Variants in ARID1A observed in about 807,000 individuals in gnomAD.
ARID1A encodes the protein AT-rich interaction domain 1A.
Under a neutral mutation model 212.6 loss-of-function variants are expected in ARID1A, and 20 were observed. The observed-to-expected ratio is 0.09, with a 90% CI of 0.07 to 0.14. The LOEUF is 0.14. Among genes scored for constraint, ARID1A ranks in the 10% least tolerant of loss-of-function variants. ARID1A has a pLI of 1.00. For synonymous variants in ARID1A, 1,376 were observed against 1,222.1 expected (o/e 1.13, Z -2.63); for missense variants, 2,587 against 3,059.0 (o/e 0.85, Z 3.64).
At position 26,735,355 on chromosome 1, in the gene ARID1A, C is replaced by T. The variant is rs1442931568; in HGVS notation, c.1920+2563C>T. ...TTGCCCAGGCTGGAGTGCAATGGCA[C>T]GATCTCAGCTCACTGCAACCTCAGC... On this transcript the variant is annotated intron_variant, in intron 4 of 19. Transcript: ENST00000324856. Among the ~76,000 whole-genome samples the T allele has an allele frequency of 7.9e-5, 12 of 152,264 alleles. No individual in the cohort carries two copies. In the East Asian group the frequency reaches 1.7e-3, roughly 22 times the overall value.
intron 1 of ARID1A, among the ~76,000 whole-genome samples, chr1:26,714,849 A>G (rs948779598): frequency 3.3e-5 from 5 of 152,210 alleles, no homozygotes; most frequent in Non-Finnish European, 7.3e-5. Context: ...AGGCAGCCCT[A>G]GGAATTAATG....
chr1:26,723,348 C>G (rs1325141785), intron 1 of ARID1A, among the ~76,000 whole-genome samples: 1 of 152,118 alleles, frequency 6.6e-6, no homozygotes, highest in African/African-American at 2.4e-5. Flanking sequence ...GGGGAGGGTC[C>G]CATACTGGAA....
At chr1:26,744,769 T>C (rs909532427) in intron 4 of ARID1A, among the ~76,000 whole-genome samples, 10 of 152,064 alleles carry the variant, frequency 6.6e-5, no homozygotes, top group African/African-American at 2.2e-4. Context: ...GCAGAAAACA[T>C]AGGGATGGAA....
At chr1:26,731,059 A>G in intron 2 of ARID1A, 93 bp from the exon 3 acceptor site, 3 of 1,329,878 alleles carry the variant, frequency 2.3e-6, no homozygotes, top group South Asian at 2.6e-5. Flanking sequence ...CTTGCTTTCT[A>G]TACTCATCAT....
At position 26,773,359 on chromosome 1, in the gene ARID1A, T is replaced by G. The variant is rs2124110240; in HGVS notation, c.3729T>G (p.Asp1243Glu). 6.3e-7 allele frequency: 1 copy of G among 1,592,902 alleles called. No individual in the cohort carries two copies. Among genetic ancestry groups the G allele is most frequent in the South Asian group, 1.1e-5 (1 of 87,734 alleles). Reference protein sequence around the residue: ...YGSMRKAPGSDPFMSSGQGPN... With the variant: ...YGSMRKAPGSEPFMSSGQGPN... The stretch of plus-strand genomic sequence containing the variant: ...TTCTACGCTCAGCTCCAGGGAGTGA[T>G]CCCTTCATGTCCTCAGGGCAGGGCC... Residue 1243 changes from aspartate (D) to glutamate (E), a missense_variant, in exon 15 of 20, where the codon GAT becomes GAG. This residue lies in a region of ARID1A where 890 missense variants were observed against 1,098.2 expected (regional missense o/e 0.81). Transcript: ENST00000324856.
intron 4 of ARID1A, among the ~76,000 whole-genome samples, chr1:26,750,737 T>C (rs1169707851): frequency 2.6e-5 from 4 of 151,830 alleles, no homozygotes; most frequent in African/African-American, 9.7e-5. Flanking sequence ...CCTACCTTCA[T>C]GGGACTTCTA....
chr1:26,743,707 C>T (rs1480664481), intron 4 of ARID1A, among the ~76,000 whole-genome samples: 3 of 150,012 alleles, frequency 2.0e-5, no homozygotes, highest in Non-Finnish European at 3.0e-5. Flanking sequence ...TGGCAGGGGC[C>T]TGTAGTCCCA....
At chr1:26,716,309 A>T (rs1382398611) in intron 1 of ARID1A, among the ~76,000 whole-genome samples, 1 of 152,142 alleles carries the variant, frequency 6.6e-6, no homozygotes, top group Non-Finnish European at 1.5e-5. Context: ...AGTGAATCAG[A>T]TAGTATGTTA....
chr1:26,763,145 C>T lies in ARID1A; in HGVS notation c.2592C>T (p.Gly864=), dbSNP rs2124069296. The part of the protein sequence containing the change: ...PPGRMSHASM[G]NRPYGPNMAN... ...GGAGGATGAGTCACGCCTCCATGGGCAACCGGCCTTATGGCCCTAACATGG... is the reference window on the plus strand; with the variant it reads ...GGAGGATGAGTCACGCCTCCATGGGTAACCGGCCTTATGGCCCTAACATGG... Residue 864 remains glycine, a synonymous_variant, in exon 8 of 20, where the codon GGC becomes GGT. Coordinates refer to ENST00000324856, the MANE Select transcript of ARID1A (RefSeq NM_006015.6). 6.2e-7 allele frequency: 1 copy of T among 1,614,280 alleles called. No homozygotes were observed. Among genetic ancestry groups the T allele is most frequent in the Non-Finnish European group, 8.5e-7 (1 of 1,180,048 alleles).
intron 1 of ARID1A, among the ~76,000 whole-genome samples, chr1:26,725,494 ATTGT>A (rs1401212125): frequency 6.6e-6 from 1 of 152,180 alleles, no homozygotes. Flanking sequence ...GAATAATCTG[ATTGT>A]TTGAACTGAA....
rs1434951491 is a variant in ARID1A at position 26,774,395 on chromosome 1, A to T, written c.4168A>T (p.Ser1390Cys). 2 of 1,597,074 alleles carry T rather than the reference A, an allele frequency of 1.3e-6. No homozygotes were observed. The highest frequency in any genetic ancestry group is 1.7e-6 in the Non-Finnish European group (2 of 1,169,160). ...CAAGCGGCACGAAGGGGAGATGTACAGCGTGCCATACAGCACTGGGCAGGG... is the reference window on the plus strand; with the variant it reads ...CAAGCGGCACGAAGGGGAGATGTACTGCGTGCCATACAGCACTGGGCAGGG... ...PAKRHEGEMY[S>C]VPYSTGQGQP... Residue 1390 changes from serine (S) to cysteine (C), a missense_variant, in exon 18 of 20, where the codon AGC (serine) becomes TGC (cysteine). Physicochemically the swap from Ser to Cys is moderately radical, Grantham distance 112. Transcript: ENST00000324856. This position sits in a 1 kb window ranked among gnomAD's most constrained non-coding sequence, Gnocchi z 5.6.
intron 12 of ARID1A, chr1:26,772,249 C>T (rs1196859771): frequency 9.7e-6 from 5 of 518,022 alleles, no homozygotes; most frequent in African/African-American, 9.5e-5. Flanking sequence ...CTCAGGGAAT[C>T]ACCAGCATGG....
chr1:26,740,158 C>T (rs1274462205), intron 4 of ARID1A, among the ~76,000 whole-genome samples: 1 of 152,112 alleles, frequency 6.6e-6, no homozygotes, highest in African/African-American at 2.4e-5. Flanking sequence ...TGGAGTAAAA[C>T]CTGGCACACT....
chr1:26,745,677 TTC>T (rs1241070725), intron 4 of ARID1A, among the ~76,000 whole-genome samples: 1 of 152,116 alleles, frequency 6.6e-6, no homozygotes, highest in Non-Finnish European at 1.5e-5. Flanking sequence ...GAACATTGGA[TTC>T]TCTGACTGCT....
At chr1:26,775,454 C>A in intron 18 of ARID1A, 123 bp from the exon 19 acceptor site, 1 of 1,453,950 alleles carries the variant, frequency 6.9e-7, no homozygotes. Context: ...TGTTTCATCT[C>A]CCAGACAGAA....
intron 4 of ARID1A, among the ~76,000 whole-genome samples, chr1:26,751,394 G>A (rs896780250): frequency 3.3e-5 from 5 of 152,188 alleles, no homozygotes; most frequent in African/African-American, 1.2e-4. Flanking sequence ...CACGCAGCAT[G>A]TCTGGTGATA....
intron 3 of ARID1A, 108 bp from the exon 4 acceptor site, chr1:26,732,568 C>CT: frequency 2.3e-6 from 2 of 869,798 alleles, no homozygotes; most frequent in Non-Finnish European, 1.8e-6. Context: ...CGCAACTGGA[C>CT]TTTCTCTCAC....
intron 4 of ARID1A, among the ~76,000 whole-genome samples, chr1:26,756,847 T>C (rs901352160): frequency 3.3e-5 from 5 of 151,336 alleles, no homozygotes; most frequent in Non-Finnish European, 7.4e-5. Flanking sequence ...GGACCATGGG[T>C]GCCCGTCACC....
chr1:26,729,780 G>C lies in ARID1A; in HGVS notation c.1267G>C (p.Gly423Arg), dbSNP rs2124785389. ...ACATGGGTACCCAGGGCAGCCATAC[G>C]GGTCCCAGACCCCGCAGCGGTACCC... is the stretch of plus-strand genomic sequence containing the variant. ...QGHGYPGQPY[G>R]SQTPQRYPMT... The change falls in exon 2 of 20, where the codon GGG becomes CGG. Residue 423 changes from glycine to arginine, a missense_variant. Gly to Arg is a moderately radical substitution (Grantham distance 125). This residue lies in a region of ARID1A where 674 missense variants were observed against 813.4 expected (regional missense o/e 0.83). Coordinates refer to ENST00000324856, the MANE Select transcript of ARID1A (RefSeq NM_006015.6). 6.2e-7 allele frequency: 1 copy of C among 1,614,210 alleles called. No individual in the cohort carries two copies. The highest frequency in any genetic ancestry group is 8.5e-7 in the Non-Finnish European group (1 of 1,180,036).
Sources: gnomAD v4.1 joint callset for allele counts (sites outside exome capture counted in the v4.1 genomes callset) on GRCh38, gnomAD v4.1.1 for gene constraint, gnomAD v4.1.1 regional missense constraint, Gnocchi (gnomAD v3.1) non-coding constraint, MANE v1.5 for transcripts, NCBI Gene and HGNC (gene_info 2026-07-23, HGNC 2026-07-21) for gene names.